Variants in TCERG1 observed in about 807,000 individuals in gnomAD.
TCERG1 encodes the protein TATA box binding protein (TBP)-associated factor, RNA polymerase II, S, 150kD.
In TCERG1, 37 loss-of-function variants were observed where a neutral mutation model predicts 144.7. The observed-to-expected ratio is 0.26, with a 90% confidence interval of 0.20 to 0.34. The LOEUF (loss-of-function observed/expected upper bound fraction) is 0.34, where lower values mean the gene tolerates loss of function less well. Ranked by LOEUF, TCERG1 falls within the 10% of genes least tolerant of loss-of-function variation. TCERG1 has a pLI of 1.00. For missense variants in TCERG1, 1,027 were observed against 1,380.7 expected (o/e 0.74, Z 4.06); for synonymous variants, 492 against 458.2 (o/e 1.07, Z -0.94).
rs1763135359 is a variant in TCERG1 at position 146,459,257 on chromosome 5, C to G, written c.812C>G (p.Ser271Cys). The change falls in exon 4 of 23, where the codon TCC becomes TGC. Residue 271 changes from serine (S) to cysteine (C), a missense_variant. Ser to Cys is a moderately radical substitution (Grantham distance 112). Transcript: ENST00000679501. ...ACCAGTAGCCCAGCACCTGCAGTAT[C>G]CACTTCAACATCATCATCCACCCCT... Reference protein sequence around the residue: ...PTTSSPAPAVSTSTSSSTPSS... With the variant: ...PTTSSPAPAVCTSTSSSTPSS... 1.2e-6 allele frequency: 2 copies of G among 1,614,286 alleles called. No individual in the cohort carries two copies. Among genetic ancestry groups the G allele is most frequent in the Non-Finnish European group, 1.7e-6 (2 of 1,180,048 alleles).
chr5:146,490,545 T>A (rs993308513), intron 15 of TCERG1, among the ~76,000 whole-genome samples: 1 of 152,224 alleles, frequency 6.6e-6, no homozygotes, highest in Admixed American at 6.5e-5. Context: ...CCTATTCCTT[T>A]ATATGTGAAT....
intron 19 of TCERG1, 123 bp from the exon 20 acceptor site, chr5:146,506,905 G>A (rs950704944): frequency 1.4e-6 from 1 of 712,984 alleles, no homozygotes; most frequent in East Asian, 2.9e-5. Flanking sequence ...TGTATCTGTT[G>A]ATAGACACTT....
chr5:146,452,657 T>C (rs1000053478), intron 1 of TCERG1, among the ~76,000 whole-genome samples: 1 of 152,188 alleles, frequency 6.6e-6, no homozygotes, highest in African/African-American at 2.4e-5. Flanking sequence ...TGGCACAATC[T>C]CGGCTCACTG....
At chr5:146,502,932 C>G (rs1004453765) in intron 17 of TCERG1, 1 of 152,040 alleles carries the variant, frequency 6.6e-6, no homozygotes, top group Non-Finnish European at 1.5e-5. Flanking sequence ...TTTTATCCAT[C>G]TAGTTTTTAA....
intron 15 of TCERG1, 168 bp from the exon 16 acceptor site, chr5:146,492,752 C>G: frequency 2.1e-6 from 1 of 471,334 alleles, no homozygotes; most frequent in South Asian, 3.7e-5. Context: ...TGTGTAATAT[C>G]TCAGTGAAGC....
chr5:146,497,703 T>G (rs1432397207), intron 16 of TCERG1, among the ~76,000 whole-genome samples: 1 of 152,238 alleles, frequency 6.6e-6, no homozygotes, highest in Non-Finnish European at 1.5e-5. Context: ...CTTGACTTTA[T>G]GTTTTGTTAA....
At chr5:146,452,350 A>T (rs1312299531) in intron 1 of TCERG1, among the ~76,000 whole-genome samples, 2 of 152,220 alleles carry the variant, frequency 1.3e-5, no homozygotes, top group African/African-American at 4.8e-5. Flanking sequence ...GAATACCATG[A>T]TAGGTACTCA....
intron 1 of TCERG1, among the ~76,000 whole-genome samples, chr5:146,449,240 A>T (rs1255990101): frequency 1.3e-5 from 2 of 152,234 alleles, no homozygotes; most frequent in African/African-American, 2.4e-5. Context: ...TGTTGTAAAT[A>T]AATGAAGATA....
At chr5:146,466,287 T>C (rs1474914205) in intron 5 of TCERG1, among the ~76,000 whole-genome samples, 10 of 152,164 alleles carry the variant, frequency 6.6e-5, no homozygotes, top group Non-Finnish European at 1.5e-4. Flanking sequence ...GTAATTTGTC[T>C]TGGAGGCTTA....
At chr5:146,448,221 C>T (rs553939762) in intron 1 of TCERG1, among the ~76,000 whole-genome samples, 1 of 152,354 alleles carries the variant, frequency 6.6e-6, no homozygotes, top group South Asian at 2.1e-4. Flanking sequence ...GGATTTGTGG[C>T]TCCAGGAAGT....
chr5:146,456,324 A>G (rs1212840695), intron 2 of TCERG1, among the ~76,000 whole-genome samples: 1 of 152,168 alleles, frequency 6.6e-6, no homozygotes, highest in South Asian at 2.1e-4. Context: ...CTAATTTGTG[A>G]CTTTAAGAGT....
At chr5:146,490,133 A>G (rs191890208) in intron 15 of TCERG1, among the ~76,000 whole-genome samples, 7 of 152,318 alleles carry the variant, frequency 4.6e-5, no homozygotes, top group Non-Finnish European at 8.8e-5. Context: ...AATACTTTCA[A>G]AAGGTTTTCT....
chr5:146,498,250 C>G (rs1490186121), intron 16 of TCERG1, among the ~76,000 whole-genome samples: 1 of 151,302 alleles, frequency 6.6e-6, no homozygotes, highest in African/African-American at 2.4e-5. Flanking sequence ...GAGCTCTTGT[C>G]TCTTGAGGCA....
At chr5:146,501,360 G>A (rs1463008549) in intron 17 of TCERG1, among the ~76,000 whole-genome samples, 4 of 152,102 alleles carry the variant, frequency 2.6e-5, no homozygotes, top group African/African-American at 9.7e-5. Context: ...GCCTTAGTAA[G>A]CCATTTATAA....
chr5:146,475,458 A>G lies in TCERG1; in HGVS notation c.1602-3035A>G, dbSNP rs922604520. 5.3e-5 allele frequency among the ~76,000 whole-genome samples: 8 copies of G among 152,198 alleles called. No individual in the cohort carries two copies. In the East Asian group the frequency reaches 1.5e-3, roughly 29 times the overall value. ...AGGGTGTTAGTGGCATCTAGCAGAT[A>G]GATGCTAGGGATGCTCTAAACATCC... On this transcript the variant is annotated intron_variant, in intron 9 of 22. Coordinates refer to ENST00000679501, the MANE Select transcript of TCERG1 (RefSeq NM_001382548.1).
intron 16 of TCERG1, among the ~76,000 whole-genome samples, chr5:146,495,966 A>G (rs1766858835): frequency 6.6e-6 from 1 of 152,158 alleles, no homozygotes; most frequent in Non-Finnish European, 1.5e-5. Flanking sequence ...CAGCCTGGCC[A>G]GTATGGTGAA....
intron 17 of TCERG1, among the ~76,000 whole-genome samples, chr5:146,499,368 TATA>T (rs2150817081): frequency 6.6e-6 from 1 of 152,330 alleles, no homozygotes; most frequent in African/African-American, 2.4e-5. Flanking sequence ...TCCAGAAAGT[TATA>T]ATATTACAAG....
At chr5:146,493,196 A>G (rs899410322) in intron 16 of TCERG1, among the ~76,000 whole-genome samples, 158 bp downstream of exon 16, 1 of 152,056 alleles carries the variant, frequency 6.6e-6, no homozygotes, top group African/African-American at 2.4e-5. Flanking sequence ...TTTATTTTTT[A>G]CTATGTTTCC....
intron 12 of TCERG1, among the ~76,000 whole-genome samples, chr5:146,480,884 C>G (rs1391479498): frequency 1.3e-5 from 2 of 151,678 alleles, no homozygotes; most frequent in Non-Finnish European, 2.9e-5. Context: ...ATCAGCGTAA[C>G]ATAGCTATTC....
Sources: allele counts gnomAD v4.1 joint callset (sites outside exome capture counted in the v4.1 genomes callset), GRCh38; gene constraint gnomAD v4.1.1; transcripts MANE v1.5; gene names NCBI Gene and HGNC (gene_info 2026-07-23, HGNC 2026-07-21).